ASIC2: variants seen among roughly 807,000 people sequenced by gnomAD.
ASIC2 encodes the protein acid sensing ion channel subunit 2, also known as acid-sensing ion channel 2.
A neutral mutation model predicts 57.3 loss-of-function variants in ASIC2; 25 were observed. That is an observed-to-expected ratio of 0.44 (90% CI 0.32 to 0.61). The LOEUF (loss-of-function observed/expected upper bound fraction) is 0.61, where lower values mean the gene tolerates loss of function less well. ASIC2 is among the 20% of genes least tolerant of loss of function. ASIC2 has a pLI of 0.06. For synonymous variants in ASIC2, 319 were observed against 307.5 expected (o/e 1.04, Z -0.39); for missense variants, 641 against 738.1 (o/e 0.87, Z 1.52).
At chr17:34,036,347 G>A (rs928979569) in intron 1 of ASIC2, among the ~76,000 whole-genome samples, 3 of 129,672 alleles carry the variant, frequency 2.3e-5, no homozygotes, top group African/African-American at 8.8e-5. Context: ...ACAGGAAGGA[G>A]AACATCACAC....
chr17:33,313,444 C>T (rs575995370), intron 1 of ASIC2, among the ~76,000 whole-genome samples: 1 of 152,086 alleles, frequency 6.6e-6, no homozygotes, highest in Non-Finnish European at 1.5e-5. Context: ...TTATTCTTTT[C>T]TTACCCTTTA....
intron 1 of ASIC2, chr17:34,039,628 T>G: frequency 1.2e-6 from 2 of 1,613,502 alleles, no homozygotes; most frequent in Non-Finnish European, 1.7e-6. Flanking sequence ...ACTAATTTTA[T>G]GTCCCCTAGG....
At chr17:33,456,464 C>G (rs771900101) in intron 1 of ASIC2, among the ~76,000 whole-genome samples, 3 of 152,148 alleles carry the variant, frequency 2.0e-5, no homozygotes, top group African/African-American at 7.2e-5. Context: ...TGACAACCCT[C>G]GGAGCTCATC....
intron 1 of ASIC2, among the ~76,000 whole-genome samples, chr17:33,780,297 C>A (rs182402095): frequency 3.9e-4 from 60 of 152,212 alleles, no homozygotes; most frequent in Admixed American, 2.8e-3. Context: ...AACTGCCAGG[C>A]TATGCTGCCT....
chr17:33,640,661 G>A (rs1205599176), intron 1 of ASIC2, among the ~76,000 whole-genome samples: 3 of 152,214 alleles, frequency 2.0e-5, no homozygotes, highest in East Asian at 1.9e-4. Context: ...GTTGAGTAGC[G>A]TTCAGGGTTT....
chr17:33,076,778 G>C (rs2092090605), intron 3 of ASIC2, among the ~76,000 whole-genome samples: 1 of 152,158 alleles, frequency 6.6e-6, no homozygotes, highest in South Asian at 2.1e-4. Context: ...CTGTTGCAGG[G>C]GGTGGGGGAA....
chr17:33,702,119 G>C (rs1908719905), intron 1 of ASIC2, among the ~76,000 whole-genome samples: 1 of 152,200 alleles, frequency 6.6e-6, no homozygotes, highest in Admixed American at 6.5e-5. Flanking sequence ...TCCTGGTTTA[G>C]GGATCAGGAT....
chr17:33,063,622 G>A (rs1245928789), intron 3 of ASIC2, among the ~76,000 whole-genome samples: 2 of 152,080 alleles, frequency 1.3e-5, no homozygotes, highest in Non-Finnish European at 2.9e-5. Context: ...ACTTTGGTGA[G>A]TCTGACAATT....
At chr17:33,510,612 A>G (rs1193533928) in intron 1 of ASIC2, among the ~76,000 whole-genome samples, 1 of 152,150 alleles carries the variant, frequency 6.6e-6, no homozygotes, top group Admixed American at 6.5e-5. Flanking sequence ...AGCCTGGGCA[A>G]TAGAGTGAGA....
chr17:33,972,397 T>C (rs1905248821), intron 1 of ASIC2, among the ~76,000 whole-genome samples: 1 of 152,288 alleles, frequency 6.6e-6, no homozygotes, highest in African/African-American at 2.4e-5. Context: ...AGTTTCTGTT[T>C]CTTTAAAAAC....
chr17:33,894,138 A>T (rs1484496922), intron 1 of ASIC2, among the ~76,000 whole-genome samples: 1 of 152,212 alleles, frequency 6.6e-6, no homozygotes, highest in African/African-American at 2.4e-5. Context: ...TTCTAGGATG[A>T]TAGGGCTTGA....
chr17:33,383,786 T>C (rs1909572760), intron 1 of ASIC2, among the ~76,000 whole-genome samples: 1 of 152,208 alleles, frequency 6.6e-6, no homozygotes, highest in African/African-American at 2.4e-5. Context: ...TTATGTCAGA[T>C]GACAGAATCA....
At chr17:33,115,836 T>TTGAATGAATGAG (rs1458836199) in intron 1 of ASIC2, among the ~76,000 whole-genome samples, 2 of 152,238 alleles carry the variant, frequency 1.3e-5, no homozygotes, top group Non-Finnish European at 2.9e-5. Context: ...GTCTGTTTTA[T>TTGAATGAATGAG]TGAATGAATG....
At chr17:33,427,870 A>G (rs1911272352) in intron 1 of ASIC2, among the ~76,000 whole-genome samples, 1 of 152,198 alleles carries the variant, frequency 6.6e-6, no homozygotes, top group Non-Finnish European at 1.5e-5. Flanking sequence ...ATGGAGTGTG[A>G]CTTTCAAGGC....
intron 1 of ASIC2, among the ~76,000 whole-genome samples, chr17:33,735,046 C>T (rs1909868101): frequency 6.6e-6 from 1 of 152,166 alleles, no homozygotes; most frequent in Admixed American, 6.5e-5. Flanking sequence ...GAATGCTCTT[C>T]TCTGAGATCC....
intron 2 of ASIC2, among the ~76,000 whole-genome samples, chr17:33,106,910 G>T (rs1175652208): frequency 2.6e-5 from 4 of 152,220 alleles, no homozygotes; most frequent in Admixed American, 6.5e-5. Flanking sequence ...AGAATGAAAA[G>T]AATTCAGAGG....
chr17:33,316,869 GAC>G (rs560005051), intron 1 of ASIC2, among the ~76,000 whole-genome samples: 7 of 152,194 alleles, frequency 4.6e-5, no homozygotes, highest in Non-Finnish European at 1.0e-4. Flanking sequence ...AGATTTTCCA[GAC>G]ACACATTCAT....
intron 1 of ASIC2, chr17:34,039,083 T>G: frequency 6.2e-7 from 1 of 1,614,128 alleles, no homozygotes; most frequent in Non-Finnish European, 8.5e-7. Context: ...ACACATCTAT[T>G]TAATCGTTCC....
chr17:33,416,667 G>C (rs1011328980), intron 1 of ASIC2, among the ~76,000 whole-genome samples: 5 of 152,172 alleles, frequency 3.3e-5, no homozygotes, highest in African/African-American at 1.2e-4. Context: ...ATAGCTGGGG[G>C]CACCCCTCAT....
Sources: allele counts gnomAD v4.1 joint callset (sites outside exome capture counted in the v4.1 genomes callset), GRCh38; gene constraint gnomAD v4.1.1; transcripts MANE v1.5; gene names NCBI Gene and HGNC (gene_info 2026-07-23, HGNC 2026-07-21).